The following MMAA variants were observed in gnomAD, a reference collection of about 807,000 sequenced individuals.
MMAA encodes the protein methylmalonic aciduria type A protein, mitochondrial.
A neutral mutation model predicts 45.0 loss-of-function variants in MMAA; 41 were observed. The observed-to-expected ratio is 0.91, with a 90% CI of 0.71 to 1.18. The LOEUF (loss-of-function observed/expected upper bound fraction) is 1.18, where lower values mean the gene tolerates loss of function less well. Ranked by LOEUF, MMAA falls within the 50% of genes most tolerant of loss-of-function variation. The pLI is 0.00. For synonymous variants in MMAA, 154 were observed against 178.2 expected, an observed-to-expected ratio of 0.86 and a Z score of 1.08; for missense variants, 460 against 495.7, an observed-to-expected ratio of 0.93 and a Z score of 0.68.
chr4:145,644,375 A>G (rs570120213), intron 3 of MMAA, among the ~76,000 whole-genome samples: 154 of 152,342 alleles, frequency 1.0e-3, no homozygotes, highest in African/African-American at 3.6e-3. Flanking sequence ...GTGGTCTAGA[A>G]TTAGAACCTA....
intron 1 of MMAA, among the ~76,000 whole-genome samples, chr4:145,628,803 C>CA (rs1734258250): frequency 2.6e-5 from 4 of 151,890 alleles, no homozygotes; most frequent in Admixed American, 1.3e-4. Flanking sequence ...TGTGGTCAGC[C>CA]AAAAAACAAC....
intron 6 of MMAA, among the ~76,000 whole-genome samples, chr4:145,654,579 AC>A (rs1728175597): frequency 6.6e-6 from 1 of 152,226 alleles, no homozygotes; most frequent in African/African-American, 2.4e-5. Flanking sequence ...GTAGACAGAC[AC>A]TATGTTATTA....
At chr4:145,620,931 G>A (rs1186196113) in intron 1 of MMAA, among the ~76,000 whole-genome samples, 1 of 152,192 alleles carries the variant, frequency 6.6e-6, no homozygotes, top group African/African-American at 2.4e-5. Flanking sequence ...CTGGCCTGGG[G>A]ACTACACTTT....
chr4:145,628,559 A>G lies in MMAA; in HGVS notation c.-66+9152A>G, dbSNP rs375751019. Among the ~76,000 whole-genome samples, 16 of 152,262 alleles carry G rather than the reference A, an allele frequency of 1.1e-4. No homozygotes were observed. The East Asian group carries it at 1.7e-3, about 17-fold the overall frequency. ...ACTCTGCTATTCATTTCTACCTCCC[A>G]CTTTCATATTAAAGGACATTGGTGA... On this transcript the variant is annotated intron_variant, in intron 1 of 6. Transcript: ENST00000649156.
chr4:145,652,803 C>T (rs1192730099), intron 5 of MMAA, among the ~76,000 whole-genome samples: 3 of 152,072 alleles, frequency 2.0e-5, no homozygotes, highest in African/African-American at 7.2e-5. Context: ...ACTCCTGTTA[C>T]TCAGGAAATT....
chr4:145,624,745 C>G (rs1381423585), intron 1 of MMAA: 3 of 1,592,906 alleles, frequency 1.9e-6, no homozygotes, highest in African/African-American at 1.3e-5. Context: ...TTATACAGAG[C>G]CTTCTCCTCA....
At chr4:145,620,665 G>A (rs1012301319) in intron 1 of MMAA, among the ~76,000 whole-genome samples, 2 of 152,060 alleles carry the variant, frequency 1.3e-5, no homozygotes, top group African/African-American at 4.8e-5. Flanking sequence ...CTTTACAGTG[G>A]GTTTATCCAG....
At chr4:145,648,573 A>C (rs1282222738) in intron 4 of MMAA, among the ~76,000 whole-genome samples, 1 of 152,244 alleles carries the variant, frequency 6.6e-6, no homozygotes, top group African/African-American at 2.4e-5. Flanking sequence ...TAGTAGTAGG[A>C]GAATCAAAGG....
intron 1 of MMAA, among the ~76,000 whole-genome samples, chr4:145,623,720 GA>G (rs1199012520): frequency 1.4e-4 from 22 of 152,302 alleles, no homozygotes; most frequent in African/African-American, 4.8e-4. Context: ...CACAGCTAGA[GA>G]AGCATCTATA....
chr4:145,626,064 T>A lies in MMAA; in HGVS notation c.-66+6657T>A, dbSNP rs1734199576. On this transcript the variant is annotated intron_variant, in intron 1 of 6. Coordinates refer to ENST00000649156, the MANE Select transcript of MMAA (RefSeq NM_172250.3). ...GCTCACAGCTCCAGGTCCCAGTGCCTCTCTGGGGCAGTCGGAGGGGACCTT... is the reference window on the plus strand; with the variant it reads ...GCTCACAGCTCCAGGTCCCAGTGCCACTCTGGGGCAGTCGGAGGGGACCTT... 3 of 965,260 alleles carry A rather than the reference T, an allele frequency of 3.1e-6. No homozygotes were observed. The African/African-American group carries it at 4.9e-5, about 16-fold the overall frequency. 59.8% of individuals were successfully genotyped at this position (965,260 alleles called of 1,614,324 possible). A position where few individuals can be genotyped will look rare whatever the true frequency, so the allele number is the denominator to read the frequency against.
rs1039010917 is a variant in MMAA at position 145,656,835 on chromosome 4, T to C, written c.*1401T>C. On this transcript the variant is annotated 3_prime_UTR_variant, in exon 7 of 7. Transcript: ENST00000649156. Reference sequence around the variant, plus strand: ...ACTTACTGTACTGGAATCAAACCTCTTGAGCATTATTTTAACAAACATCCC... The same window carrying C: ...ACTTACTGTACTGGAATCAAACCTCCTGAGCATTATTTTAACAAACATCCC... 1 of 152,232 alleles carries C rather than the reference T, an allele frequency of 6.6e-6. No homozygotes were observed. Among genetic ancestry groups the C allele is most frequent in the Admixed American group, 6.5e-5 (1 of 15,284 alleles). 9.4% of individuals were successfully genotyped at this position (152,232 alleles called of 1,614,324 possible). A position where few individuals can be genotyped will look rare whatever the true frequency, so the allele number is the denominator to read the frequency against.
intron 1 of MMAA, among the ~76,000 whole-genome samples, chr4:145,633,235 G>A (rs1553957398): frequency 1.5e-5 from 1 of 66,300 alleles, no homozygotes; most frequent in Admixed American, 2.1e-4. Context: ...AGTTTGTTCT[G>A]TTACCCAGGC....
At chr4:145,638,097 T>TG (rs984969298) in intron 1 of MMAA, among the ~76,000 whole-genome samples, 3 of 152,088 alleles carry the variant, frequency 2.0e-5, no homozygotes, top group African/African-American at 7.2e-5. Context: ...TGGCCGGGCG[T>TG]GGGGGCTCAT....
Position 145,655,630 on chromosome 4 carries a change from T to G in MMAA, c.*196T>G, listed in dbSNP as rs2126630248. 1 of 542,828 alleles carries G rather than the reference T, an allele frequency of 1.8e-6. No individual in the cohort carries two copies. The highest frequency in any genetic ancestry group is 3.1e-5 in the East Asian group (1 of 32,050). 33.6% of individuals were successfully genotyped at this position (542,828 alleles called of 1,614,324 possible). On this transcript the variant is annotated 3_prime_UTR_variant, in exon 7 of 7. Coordinates refer to ENST00000649156, the MANE Select transcript of MMAA (RefSeq NM_172250.3). ...GGCAGTATTTATAAGGTACCTGTTT[T>G]ATGTTACTGATATCTGTTTCCTTCT... is the stretch of plus-strand genomic sequence containing the variant.
intron 1 of MMAA, among the ~76,000 whole-genome samples, chr4:145,632,995 C>G (rs1727499099): frequency 6.6e-6 from 1 of 151,734 alleles, no homozygotes; most frequent in Non-Finnish European, 1.5e-5. Context: ...GATCTGTATG[C>G]CTTGGCCTCC....
At position 145,655,163 on chromosome 4, in the gene MMAA, C is replaced by T. The variant is rs753626196; in HGVS notation, c.986C>T (p.Ala329Val). 13 of 1,613,970 alleles carry T rather than the reference C, an allele frequency of 8.1e-6. No individual in the cohort carries two copies. Among genetic ancestry groups the T allele is most frequent in the Admixed American group, 3.3e-5 (2 of 59,994 alleles). Residue 329 changes from alanine to valine, a missense_variant, in exon 7 of 7, where the codon GCC becomes GTC. Transcript: ENST00000649156. ...VWKPKVIRIS[A>V]RSGEGISEMW... is the part of the protein sequence containing the mutation. ...TTTCGATAGGTAATTCGTATTTCTG[C>T]CCGAAGTGGAGAGGGGATCTCTGAA...
At chr4:145,623,269 A>C (rs1368561173) in intron 1 of MMAA, among the ~76,000 whole-genome samples, 1 of 152,208 alleles carries the variant, frequency 6.6e-6, no homozygotes, top group Admixed American at 6.5e-5. Flanking sequence ...TCCATTACCC[A>C]GGATGCACCA....
In MMAA at chr4:145,639,120, C is replaced by T; in HGVS notation, c.-20C>T. On this transcript the variant is annotated 5_prime_UTR_variant, in exon 2 of 7. Coordinates refer to ENST00000649156, the MANE Select transcript of MMAA (RefSeq NM_172250.3). ...GCCAAAACGCATCCAGTGTTTTCTCCAGTTACAAATAAAACGAATATGCCC... is the reference window on the plus strand; with the variant it reads ...GCCAAAACGCATCCAGTGTTTTCTCTAGTTACAAATAAAACGAATATGCCC... 2.5e-6 allele frequency: 4 copies of T among 1,613,124 alleles called. No individual in the cohort carries two copies. Among genetic ancestry groups the T allele is most frequent in the Non-Finnish European group, 3.4e-6 (4 of 1,179,106 alleles).
chr4:145,630,331 A>C (rs1734309348), intron 1 of MMAA, among the ~76,000 whole-genome samples: 5 of 152,250 alleles, frequency 3.3e-5, no homozygotes, highest in Admixed American at 3.3e-4. Context: ...GGATTTCTGC[A>C]GTGCCAGTTG....
Sources: allele counts gnomAD v4.1 joint callset (sites outside exome capture counted in the v4.1 genomes callset), GRCh38; gene constraint gnomAD v4.1.1; transcripts MANE v1.5; gene names NCBI Gene and HGNC (gene_info 2026-07-23, HGNC 2026-07-21).